Variants in SMIM10L3 observed in about 807,000 individuals in gnomAD.
The protein encoded by SMIM10L3 is small integral membrane protein 10 like 3, also known as salivary gland specific protein SAGSIN1.
At chr7:6,346,506 A>G in the SMIM10L3 span, among the ~76,000 whole-genome samples, 1 of 152,158 alleles carries the variant, frequency 6.6e-6, no homozygotes, top group Non-Finnish European at 1.5e-5. Flanking sequence ...AGCTGGGACT[A>G]CAGGTGCACG....
chr7:6,348,838 T>A, the SMIM10L3 span: 2 of 393,128 alleles, frequency 5.1e-6, no homozygotes, highest in Non-Finnish European at 4.5e-6. Context: ...TCGCCTGGCG[T>A]GCTCAGGGAG....
At chr7:6,346,594 T>C in the SMIM10L3 span, among the ~76,000 whole-genome samples, 1 of 152,064 alleles carries the variant, frequency 6.6e-6, no homozygotes, top group Non-Finnish European at 1.5e-5. Flanking sequence ...TAGCCCAGGG[T>C]GGTCTCAAAC....
chr7:6,347,071 A>C, the SMIM10L3 span, among the ~76,000 whole-genome samples: 1 of 152,318 alleles, frequency 6.6e-6, no homozygotes, highest in Middle Eastern at 3.4e-3. Context: ...TTCTGACTGT[A>C]ATCCTAGTGC....
the SMIM10L3 span, among the ~76,000 whole-genome samples, chr7:6,347,127 GAC>G: frequency 6.6e-6 from 1 of 152,170 alleles, no homozygotes; most frequent in African/African-American, 2.4e-5. Context: ...AGAAGTTCAA[GAC>G]CAGCCTTGGC....
the SMIM10L3 span, chr7:6,348,931 G>T: frequency 6.8e-5 from 26 of 382,926 alleles, no homozygotes; most frequent in Middle Eastern, 6.6e-4. Flanking sequence ...AAGTGCCTCC[G>T]CGAGCAGCCG....
the SMIM10L3 span, chr7:6,330,980 C>T: frequency 6.2e-7 from 1 of 1,614,238 alleles, no homozygotes; most frequent in East Asian, 2.2e-5. Context: ...GATAATGCCT[C>T]ACTTTGTGAA....
At chr7:6,346,436 G>A in the SMIM10L3 span, among the ~76,000 whole-genome samples, 1,998 of 152,086 alleles carry the variant, frequency 0.013, 54 homozygotes, top group African/African-American at 0.046. Flanking sequence ...GCACAATCTC[G>A]GCTCACTGCA....
the SMIM10L3 span, chr7:6,348,432 A>T: frequency 5.0e-6 from 2 of 396,456 alleles, no homozygotes; most frequent in South Asian, 2.6e-4. Context: ...GATCTCCCCA[A>T]AGTAGGGTCG....
the SMIM10L3 span, chr7:6,330,359 T>C: frequency 3.1e-6 from 5 of 1,593,948 alleles, no homozygotes; most frequent in South Asian, 5.7e-5. Flanking sequence ...TCTATTGGTA[T>C]TGTTCTGCTT....
the SMIM10L3 span, chr7:6,331,223 T>C: frequency 2.3e-5 from 34 of 1,460,270 alleles, no homozygotes; most frequent in African/African-American, 4.7e-4. Context: ...CTTCAATGGA[T>C]CTCAATATGA....
chr7:6,331,131 G>A, the SMIM10L3 span: 15 of 1,612,828 alleles, frequency 9.3e-6, no homozygotes, highest in African/African-American at 2.7e-5. Context: ...GGCAGGTGCC[G>A]AGGGGCCCTC....
At chr7:6,339,812 C>T in the SMIM10L3 span, among the ~76,000 whole-genome samples, 1 of 151,894 alleles carries the variant, frequency 6.6e-6, no homozygotes, top group Non-Finnish European at 1.5e-5. Context: ...CCCTCCCGGT[C>T]CCCTGGATGC....
the SMIM10L3 span, among the ~76,000 whole-genome samples, chr7:6,344,076 T>C: frequency 6.6e-6 from 1 of 151,154 alleles, no homozygotes; most frequent in Non-Finnish European, 1.5e-5. Context: ...GTAGTGATGG[T>C]GTCTCACTAT....
the SMIM10L3 span, among the ~76,000 whole-genome samples, chr7:6,344,906 TA>T: frequency 6.6e-6 from 1 of 151,736 alleles, no homozygotes; most frequent in South Asian, 2.1e-4. Flanking sequence ...CATGCCCGGC[TA>T]ATTTTTGTAT....
the SMIM10L3 span, among the ~76,000 whole-genome samples, chr7:6,339,055 A>G: frequency 6.6e-6 from 1 of 152,152 alleles, no homozygotes; most frequent in South Asian, 2.1e-4. Context: ...GGATTTCCAC[A>G]CAGCCTAGAG....
chr7:6,348,401 G>T, the SMIM10L3 span, among the ~76,000 whole-genome samples: 9 of 152,164 alleles, frequency 5.9e-5, no homozygotes, highest in Admixed American at 3.9e-4. Flanking sequence ...TTGCAGAACG[G>T]GGATAAGGAC....
the SMIM10L3 span, among the ~76,000 whole-genome samples, chr7:6,347,920 T>C: frequency 6.8e-6 from 1 of 147,362 alleles, no homozygotes; most frequent in South Asian, 2.1e-4. Flanking sequence ...ATTATTATTA[T>C]TATTATTGAG....
At chr7:6,331,072 C>T in the SMIM10L3 span, 3 of 1,613,532 alleles carry the variant, frequency 1.9e-6, no homozygotes, top group Admixed American at 5.0e-5. Flanking sequence ...CTTAAGGCTG[C>T]ATGATAGTTT....
At chr7:6,330,859 G>C in the SMIM10L3 span, 1 of 1,614,216 alleles carries the variant, frequency 6.2e-7, no homozygotes, top group South Asian at 1.1e-5. Flanking sequence ...TGTGCTCGGA[G>C]TGGCTGCTGA....
Sources: allele counts gnomAD v4.1 joint callset (sites outside exome capture counted in the v4.1 genomes callset), GRCh38; gene constraint gnomAD v4.1.1; transcripts MANE v1.5; gene names NCBI Gene and HGNC (gene_info 2026-07-23, HGNC 2026-07-21).